Variants in ZNF516 observed in about 807,000 individuals in gnomAD.
ZNF516 encodes the protein zinc finger protein 516.
ZNF516 carries 19 observed loss-of-function variants against 79.7 expected under a neutral mutation model. The observed-to-expected ratio is 0.24, with a 90% CI of 0.17 to 0.35. The LOEUF (loss-of-function observed/expected upper bound fraction) is 0.35. Among genes scored for constraint, ZNF516 ranks in the 10% least tolerant of loss-of-function variants. The pLI is 1.00. For missense variants in ZNF516, 1,678 were observed against 1,679.5 expected, an observed-to-expected ratio of 1.00 and a Z score of 0.02; for synonymous variants, 877 against 739.5, an observed-to-expected ratio of 1.19 and a Z score of -3.02.
intron 1 of ZNF516, among the ~76,000 whole-genome samples, chr18:76,478,504 C>G (rs1266067265): frequency 6.6e-6 from 1 of 152,068 alleles, no homozygotes; most frequent in Non-Finnish European, 1.5e-5. Context: ...TCACAATTAT[C>G]TCTTTTCTAA....
At chr18:76,494,550 G>A (rs1399087320) in intron 1 of ZNF516, among the ~76,000 whole-genome samples, 1 of 150,482 alleles carries the variant, frequency 6.6e-6, no homozygotes, top group Non-Finnish European at 1.5e-5. Context: ...AAGCAGCCGG[G>A]GAGGGGGCCG....
intron 1 of ZNF516, among the ~76,000 whole-genome samples, chr18:76,491,267 C>T (rs1442591198): frequency 1.0e-5 from 1 of 100,116 alleles, no homozygotes; most frequent in African/African-American, 3.6e-5. Context: ...ACCGGACCCG[C>T]CCCCCTCCCC....
chr18:76,417,847 T>G (rs1169514051), intron 3 of ZNF516, among the ~76,000 whole-genome samples: 1 of 152,238 alleles, frequency 6.6e-6, no homozygotes, highest in Non-Finnish European at 1.5e-5. Flanking sequence ...AAAATGATAT[T>G]TAAATATACA....
chr18:76,392,636 G>A (rs796382761), intron 3 of ZNF516, among the ~76,000 whole-genome samples: 1 of 116,448 alleles, frequency 8.6e-6, no homozygotes, highest in African/African-American at 3.9e-5. Flanking sequence ...CAGGTGGAGG[G>A]AGGGCAGGCG....
intron 3 of ZNF516, among the ~76,000 whole-genome samples, chr18:76,438,619 C>T (rs1410131022): frequency 6.6e-6 from 1 of 152,030 alleles, no homozygotes; most frequent in African/African-American, 2.4e-5. Flanking sequence ...ATAAAAGTAA[C>T]ATGAATATCA....
rs2074491499 is a variant in ZNF516, at chr18:76,358,768, G to A, written c.*3730C>T. 1.3e-5 allele frequency: 2 copies of A among 152,220 alleles called. No individual in the cohort carries two copies. Among genetic ancestry groups the A allele is most frequent in the Non-Finnish European group, 2.9e-5 (2 of 68,068 alleles). The allele number at this position is 152,220 out of a possible 1,614,324, so 9.4% of individuals were successfully genotyped here. On this transcript the variant is annotated 3_prime_UTR_variant, in exon 7 of 7. Transcript: ENST00000443185. Reference sequence around the variant, plus strand: ...AATTTGCTGGGGGTGGCAGAGGAGGGTTTGTCTAGTTTGAAGGAAGGAATG... The same window carrying A: ...AATTTGCTGGGGGTGGCAGAGGAGGATTTGTCTAGTTTGAAGGAAGGAATG...
chr18:76,400,517 C>G (rs683306), intron 3 of ZNF516, among the ~76,000 whole-genome samples: 106,255 of 152,042 alleles, frequency 0.7, 37,768 homozygotes, highest in African/African-American at 0.84. Flanking sequence ...TTACTCTTAT[C>G]GTTCTGATGA....
At chr18:76,424,498 G>A (rs1462229888) in intron 3 of ZNF516, among the ~76,000 whole-genome samples, 2 of 146,090 alleles carry the variant, frequency 1.4e-5, no homozygotes, top group African/African-American at 5.2e-5. Flanking sequence ...ACACACGCAG[G>A]TGAAAAGGTT....
At chr18:76,486,493 A>T (rs1914841136) in intron 1 of ZNF516, among the ~76,000 whole-genome samples, 1 of 152,210 alleles carries the variant, frequency 6.6e-6, no homozygotes, top group Non-Finnish European at 1.5e-5. Flanking sequence ...ACAAGAAATT[A>T]TAGTTTTAAT....
At position 76,359,037 on chromosome 18, in the gene ZNF516, CAT is replaced by C. The variant is rs1019708370; in HGVS notation, c.*3459_*3460del. 5 of 152,284 alleles carry C rather than the reference CAT, an allele frequency of 3.3e-5. No homozygotes were observed. Among genetic ancestry groups the C allele is most frequent in the African/African-American group, 7.2e-5 (3 of 41,438 alleles). The allele number at this position is 152,284 out of a possible 1,614,324, so 9.4% of individuals were successfully genotyped here. A position where few individuals can be genotyped will look rare whatever the true frequency, so the allele number is the denominator to read the frequency against. ...AAGGAGTGTGAGACGATGAAACCCACATGTGCCGGAGCCCCTGCAGAGGTGTT... is the reference window on the plus strand; with the variant it reads ...AAGGAGTGTGAGACGATGAAACCCACGTGCCGGAGCCCCTGCAGAGGTGTT... On this transcript the variant is annotated 3_prime_UTR_variant, in exon 7 of 7. Coordinates refer to ENST00000443185, the MANE Select transcript of ZNF516 (RefSeq NM_014643.4).
chr18:76,488,055 C>T, intron 1 of ZNF516: 1 of 985,374 alleles, frequency 1.0e-6, no homozygotes, highest in Non-Finnish European at 1.2e-6. Flanking sequence ...TCCACAGCCC[C>T]CACCTCCATC....
In ZNF516 at chr18:76,406,127, G is replaced by A. The variant is rs552657866; in HGVS notation, c.1811-25824C>T. Among the ~76,000 whole-genome samples the A allele has an allele frequency of 3.5e-4, 54 of 152,272 alleles. 1 individual carries two copies. In the South Asian group the frequency reaches 9.9e-3, roughly 28 times the overall value. ...CGGGACACCCTGCAGCCCCTCCTCC[G>A]GAGGCACCGCCCGGCCTGCAACTCG... On this transcript the variant is annotated intron_variant, in intron 3 of 6. Coordinates refer to ENST00000443185, the MANE Select transcript of ZNF516 (RefSeq NM_014643.4).
chr18:76,374,550 T>G (rs1249126083), intron 4 of ZNF516, among the ~76,000 whole-genome samples: 3 of 152,208 alleles, frequency 2.0e-5, no homozygotes, highest in Non-Finnish European at 2.9e-5. Context: ...GACTTCCGTT[T>G]CCTAACTTCT....
At chr18:76,473,256 T>C (rs1314177975) in intron 1 of ZNF516, among the ~76,000 whole-genome samples, 1 of 146,168 alleles carries the variant, frequency 6.8e-6, no homozygotes, top group Non-Finnish European at 1.5e-5. Context: ...GAAGACCAAG[T>C]AAGTCAGTTT....
chr18:76,418,233 T>C (rs2075458927), intron 3 of ZNF516, among the ~76,000 whole-genome samples: 1 of 151,910 alleles, frequency 6.6e-6, no homozygotes, highest in Admixed American at 6.6e-5. Context: ...TAACACACGC[T>C]ATCACACTAT....
At chr18:76,383,223 G>A (rs1484564962) in intron 3 of ZNF516, among the ~76,000 whole-genome samples, 3 of 152,128 alleles carry the variant, frequency 2.0e-5, no homozygotes, top group African/African-American at 7.2e-5. Context: ...GAAGCTATTC[G>A]CAGAAGCAGC....
intron 3 of ZNF516, among the ~76,000 whole-genome samples, chr18:76,405,460 G>A (rs1344841398): frequency 1.1e-4 from 16 of 152,236 alleles, no homozygotes; most frequent in South Asian, 8.3e-4. Context: ...AGGAGACTCC[G>A]CAGTGCATCA....
At chr18:76,462,615 A>C (rs544469828) in intron 2 of ZNF516, among the ~76,000 whole-genome samples, 5 of 152,318 alleles carry the variant, frequency 3.3e-5, no homozygotes, top group African/African-American at 1.2e-4. Context: ...ACATCGCCCA[A>C]CTGTAATAAG....
rs371922179 is a variant in ZNF516 at position 76,443,047 on chromosome 18, C to T, written c.8G>A (p.Arg3His). 28 of 1,587,726 alleles carry T rather than the reference C, an allele frequency of 1.8e-5. No individual in the cohort carries two copies. The highest frequency in any genetic ancestry group is 3.3e-4 in the Middle Eastern group (2 of 6,024). ...CAGCTCCATCTCGGCCTCTCTGTTG[C>T]GATCCATCCGAAGGACGGGCGCGGC... is the stretch of plus-strand genomic sequence containing the variant. MD[R>H]NREAEMELRR... Residue 3 changes from arginine to histidine, a missense_variant, in exon 3 of 7, where the codon CGC (arginine) becomes CAC (histidine). Arg to His is a conservative substitution (Grantham distance 29). Transcript: ENST00000443185.
Sources: gnomAD v4.1 joint callset for allele counts (sites outside exome capture counted in the v4.1 genomes callset) on GRCh38, gnomAD v4.1.1 for gene constraint, MANE v1.5 for transcripts, NCBI Gene and HGNC (gene_info 2026-07-23, HGNC 2026-07-21) for gene names.